Variants in CDK8 observed in about 807,000 individuals in gnomAD.
CDK8 encodes the protein cyclin-dependent kinase 8.
In CDK8, 29 loss-of-function variants were observed where a neutral mutation model predicts 71.5. That is an observed-to-expected ratio of 0.41 (90% CI 0.30 to 0.55). The LOEUF (loss-of-function observed/expected upper bound fraction) is 0.55, where lower values mean the gene tolerates loss of function less well. Among genes scored for constraint, CDK8 ranks in the 20% least tolerant of loss-of-function variants. The probability of loss-of-function intolerance (pLI) is 0.37; values close to 1 mark genes in which losing one functional copy is unlikely to be tolerated. For missense variants in CDK8, 288 were observed against 572.6 expected (o/e 0.50, Z 5.07); for synonymous variants, 161 against 192.1 (o/e 0.84, Z 1.34).
At chr13:26,366,681 T>C (rs1270202087) in intron 4 of CDK8, among the ~76,000 whole-genome samples, 1 of 152,222 alleles carries the variant, frequency 6.6e-6, no homozygotes, top group African/African-American at 2.4e-5. Context: ...TGTGTGAATT[T>C]CTAAAATCAA....
intron 9 of CDK8, chr13:26,400,237 C>G: frequency 2.0e-6 from 1 of 496,170 alleles, no homozygotes; most frequent in Non-Finnish European, 3.6e-6. Flanking sequence ...AGAACATAAG[C>G]AAGAGTAAAA....
At chr13:26,328,084 C>T (rs574878594) in intron 1 of CDK8, among the ~76,000 whole-genome samples, 356 of 151,652 alleles carry the variant, frequency 2.3e-3, no homozygotes, top group Non-Finnish European at 4.0e-3. Flanking sequence ...CTAAAGCATT[C>T]GGACCAAACT....
chr13:26,338,931 T>A (rs1477817775), intron 2 of CDK8, among the ~76,000 whole-genome samples: 1 of 151,158 alleles, frequency 6.6e-6, no homozygotes, highest in East Asian at 2.0e-4. Flanking sequence ...GTACTTATTG[T>A]TCACATGCTT....
chr13:26,272,811 C>T (rs1274985025), intron 1 of CDK8, among the ~76,000 whole-genome samples: 3 of 152,178 alleles, frequency 2.0e-5, no homozygotes, highest in African/African-American at 7.2e-5. Flanking sequence ...TACAGTGTCA[C>T]TAGGTGAGAA....
chr13:26,323,825 A>G (rs1874902045), intron 1 of CDK8, among the ~76,000 whole-genome samples: 1 of 152,160 alleles, frequency 6.6e-6, no homozygotes, highest in East Asian at 1.9e-4. Context: ...TGCATATACC[A>G]CAGGTTATCT....
In CDK8 at chr13:26,291,185, C is replaced by T. The variant is rs369397501; in HGVS notation, c.128+36416C>T. ...CTGTGTTACAGTTGTGTATAGTGTT[C>T]AGTAACATGGTGTACAGGTTTGTAG... On this transcript the variant is annotated intron_variant, in intron 1 of 12. Coordinates refer to ENST00000381527, the MANE Select transcript of CDK8 (RefSeq NM_001260.3). 2.0e-4 allele frequency among the ~76,000 whole-genome samples: 31 copies of T among 151,782 alleles called. No homozygotes were observed. In the East Asian group the frequency reaches 4.8e-3, roughly 24 times the overall value.
intron 2 of CDK8, among the ~76,000 whole-genome samples, chr13:26,338,832 A>T (rs1246314743): frequency 6.6e-6 from 1 of 152,156 alleles, no homozygotes; most frequent in Non-Finnish European, 1.5e-5. Flanking sequence ...CTTGGAGGGA[A>T]TACAGAGCTT....
intron 4 of CDK8, among the ~76,000 whole-genome samples, chr13:26,376,705 C>T (rs1874968279): frequency 6.6e-6 from 1 of 152,140 alleles, no homozygotes; most frequent in African/African-American, 2.4e-5. Flanking sequence ...TCTCTTAGCA[C>T]TTAAACTAGT....
chr13:26,297,008 G>A (rs557027501), intron 1 of CDK8, among the ~76,000 whole-genome samples: 87 of 152,218 alleles, frequency 5.7e-4, no homozygotes, highest in Non-Finnish European at 7.4e-4. Flanking sequence ...TCTAAGATCC[G>A]TTAGTAATGT....
chr13:26,371,907 C>G (rs143488078), intron 4 of CDK8, among the ~76,000 whole-genome samples: 1 of 152,012 alleles, frequency 6.6e-6, no homozygotes, highest in Admixed American at 6.6e-5. Context: ...CATGAGCTAC[C>G]GTGCCTGGCC....
intron 1 of CDK8, among the ~76,000 whole-genome samples, chr13:26,282,309 T>C (rs1011639185): frequency 1.3e-5 from 2 of 152,256 alleles, no homozygotes; most frequent in African/African-American, 4.8e-5. Context: ...TCTTAAGAGC[T>C]ATCAGGCAAA....
At position 26,261,452 on chromosome 13, in the gene CDK8, C is replaced by T. The variant is rs139044902; in HGVS notation, c.128+6683C>T. On this transcript the variant is annotated intron_variant, in intron 1 of 12. Transcript: ENST00000381527. ...TGACCCCAAAAAGAAACCCATTAAG[C>T]AGTCAGTCCCATTCCCCTCTCTCCC... Among the ~76,000 whole-genome samples, 30 of 152,248 alleles carry T rather than the reference C, an allele frequency of 2.0e-4. No homozygotes were observed. In the East Asian group the frequency reaches 5.2e-3, roughly 26 times the overall value.
chr13:26,354,301 C>T (rs1873802091), intron 4 of CDK8, among the ~76,000 whole-genome samples: 1 of 152,040 alleles, frequency 6.6e-6, no homozygotes, highest in East Asian at 1.9e-4. Context: ...ATATTTTAAG[C>T]CCCTCTATAT....
chr13:26,352,138 C>T (rs1483424011), intron 3 of CDK8, among the ~76,000 whole-genome samples: 1 of 151,042 alleles, frequency 6.6e-6, no homozygotes, highest in Non-Finnish European at 1.5e-5. Flanking sequence ...AAAAATTAAC[C>T]TATTTTATTT....
chr13:26,346,877 C>T (rs1390838809), intron 2 of CDK8, among the ~76,000 whole-genome samples: 1 of 152,066 alleles, frequency 6.6e-6, no homozygotes. Context: ...CTTCAAAGCC[C>T]CCAATATAGT....
intron 4 of CDK8, among the ~76,000 whole-genome samples, chr13:26,379,084 A>T (rs896774281): frequency 2.0e-5 from 3 of 152,174 alleles, no homozygotes; most frequent in African/African-American, 7.2e-5. Context: ...TTAGAGTTTG[A>T]TTTGTCTACT....
intron 1 of CDK8, among the ~76,000 whole-genome samples, chr13:26,269,088 T>C (rs1476659988): frequency 6.6e-6 from 1 of 152,244 alleles, no homozygotes; most frequent in Non-Finnish European, 1.5e-5. Context: ...GAGCCCTTTC[T>C]GTTGCCAGTA....
chr13:26,316,184 G>T (rs751896029), intron 1 of CDK8, among the ~76,000 whole-genome samples: 1 of 152,144 alleles, frequency 6.6e-6, no homozygotes, highest in African/African-American at 2.4e-5. Flanking sequence ...CATGGCAAAA[G>T]CCTGTCTCTA....
intron 1 of CDK8, among the ~76,000 whole-genome samples, chr13:26,284,862 G>T (rs1477856131): frequency 6.6e-6 from 1 of 151,726 alleles, no homozygotes; most frequent in Non-Finnish European, 1.5e-5. Flanking sequence ...GGCAGCAAGT[G>T]GGGGAGGGAG....
Sources: gnomAD v4.1 joint callset for allele counts (sites outside exome capture counted in the v4.1 genomes callset) on GRCh38, gnomAD v4.1.1 for gene constraint, MANE v1.5 for transcripts, NCBI Gene and HGNC (gene_info 2026-07-23, HGNC 2026-07-21) for gene names.